The following PTPRD variants were observed in gnomAD, a reference collection of about 807,000 sequenced individuals.
PTPRD encodes receptor-type tyrosine-protein phosphatase delta.
Under a neutral mutation model 214.5 loss-of-function variants are expected in PTPRD, and 34 were observed. The ratio of observed to expected loss-of-function variants is 0.16; its 90% CI spans 0.12 to 0.21. The LOEUF is 0.21. Among genes scored for constraint, PTPRD ranks in the 10% least tolerant of loss-of-function variants. The probability of loss-of-function intolerance (pLI) is 1.00; values close to 1 mark genes in which losing one functional copy is unlikely to be tolerated. For missense variants in PTPRD, 2,545 were observed against 2,398.7 expected (o/e 1.06, Z -1.27); for synonymous variants, 1,128 against 845.7 (o/e 1.33, Z -5.79).
chr9:8,873,706 G>C (rs927893958), intron 11 of PTPRD, among the ~76,000 whole-genome samples: 1 of 152,074 alleles, frequency 6.6e-6, no homozygotes, highest in African/African-American at 2.4e-5. Context: ...TATTATGTAA[G>C]TGGTTGATTT....
chr9:10,288,614 G>C (rs534920915), intron 3 of PTPRD, among the ~76,000 whole-genome samples: 1 of 152,280 alleles, frequency 6.6e-6, no homozygotes, highest in African/African-American at 2.4e-5. Context: ...AACAGCAGGA[G>C]AATTTGCTTA....
intron 11 of PTPRD, among the ~76,000 whole-genome samples, chr9:8,965,955 T>C (rs919233266): frequency 6.6e-6 from 1 of 151,958 alleles, no homozygotes; most frequent in African/African-American, 2.4e-5. Context: ...GAATACAAAA[T>C]CAATGTACAA....
At chr9:9,782,715 T>C (rs924327254) in intron 5 of PTPRD, among the ~76,000 whole-genome samples, 3 of 152,200 alleles carry the variant, frequency 2.0e-5, no homozygotes, top group Admixed American at 1.3e-4. Context: ...GGGACCTTCT[T>C]AATTATAACA....
chr9:8,535,370 T>A (rs974068057), intron 14 of PTPRD, among the ~76,000 whole-genome samples: 1 of 151,980 alleles, frequency 6.6e-6, no homozygotes, highest in Admixed American at 6.6e-5. Context: ...TTGTGCCAAG[T>A]AACCTCTGCA....
At chr9:8,824,143 G>C (rs989945104) in intron 11 of PTPRD, among the ~76,000 whole-genome samples, 1 of 152,154 alleles carries the variant, frequency 6.6e-6, no homozygotes, top group Non-Finnish European at 1.5e-5. Flanking sequence ...TTCATGGCCT[G>C]TATTTTGTGC....
At chr9:9,379,382 T>C (rs1428403806) in intron 9 of PTPRD, among the ~76,000 whole-genome samples, 2 of 151,772 alleles carry the variant, frequency 1.3e-5, no homozygotes, top group African/African-American at 2.4e-5. Context: ...CTCTATTCCA[T>C]AAAATTGATC....
At chr9:8,450,182 C>T (rs1201999298) in intron 33 of PTPRD, among the ~76,000 whole-genome samples, 3 of 152,090 alleles carry the variant, frequency 2.0e-5, no homozygotes, top group Non-Finnish European at 4.4e-5. Context: ...TTGTGAGGAA[C>T]AGGATAGGAT....
intron 9 of PTPRD, among the ~76,000 whole-genome samples, chr9:9,208,278 T>G (rs1384403864): frequency 2.0e-5 from 3 of 151,808 alleles, no homozygotes. Flanking sequence ...CCTCCCAAAG[T>G]GCTGGGATTA....
intron 2 of PTPRD, among the ~76,000 whole-genome samples, chr9:10,450,281 T>C (rs55917635): frequency 0.011 from 1,618 of 150,852 alleles, 57 homozygotes; most frequent in African/African-American, 0.038. Context: ...TAAATAAAAA[T>C]AAAAAACAAA....
intron 9 of PTPRD, among the ~76,000 whole-genome samples, chr9:9,365,798 C>CT (rs1289054131): frequency 6.6e-6 from 1 of 151,390 alleles, no homozygotes; most frequent in African/African-American, 2.4e-5. Flanking sequence ...TTTTTCACAA[C>CT]TAAAGGCCTC....
intron 12 of PTPRD, among the ~76,000 whole-genome samples, chr9:8,675,837 G>A (rs1470314974): frequency 6.6e-6 from 1 of 152,078 alleles, no homozygotes; most frequent in East Asian, 1.9e-4. Context: ...ATTTACAGTA[G>A]CATCCCTACT....
intron 3 of PTPRD, among the ~76,000 whole-genome samples, chr9:10,128,694 T>C (rs2098837512): frequency 6.6e-6 from 1 of 152,148 alleles, no homozygotes; most frequent in Non-Finnish European, 1.5e-5. Flanking sequence ...GCCTGTTTTC[T>C]CTCTGCGATA....
chr9:9,825,751 ACT>A (rs1345982953), intron 5 of PTPRD, among the ~76,000 whole-genome samples: 1 of 150,558 alleles, frequency 6.6e-6, no homozygotes, highest in South Asian at 2.1e-4. Context: ...GGTTCACGTA[ACT>A]CTCATTTTCT....
chr9:9,149,855 T>C (rs1204597520), intron 10 of PTPRD, among the ~76,000 whole-genome samples: 2 of 152,208 alleles, frequency 1.3e-5, no homozygotes, highest in Non-Finnish European at 2.9e-5. Context: ...CTGAGGCAAC[T>C]CCAATGCCTG....
At chr9:10,560,155 A>T (rs1164513568) in intron 2 of PTPRD, among the ~76,000 whole-genome samples, 2 of 152,144 alleles carry the variant, frequency 1.3e-5, no homozygotes, top group African/African-American at 4.8e-5. Flanking sequence ...CATGGAACCA[A>T]CCCAAATGTC....
At chr9:10,590,404 C>T (rs2075127157) in intron 2 of PTPRD, among the ~76,000 whole-genome samples, 1 of 152,078 alleles carries the variant, frequency 6.6e-6, no homozygotes, top group Non-Finnish European at 1.5e-5. Context: ...CAGGTAATTA[C>T]TACGCCAAGA....
At chr9:8,567,819 C>A (rs2154220549) in intron 14 of PTPRD, among the ~76,000 whole-genome samples, 1 of 152,202 alleles carries the variant, frequency 6.6e-6, no homozygotes, top group Non-Finnish European at 1.5e-5. Context: ...AAGCTAGGTT[C>A]TATACATTTA....
chr9:8,839,256 A>G (rs1004769556), intron 11 of PTPRD, among the ~76,000 whole-genome samples: 1 of 152,168 alleles, frequency 6.6e-6, no homozygotes, highest in Admixed American at 6.5e-5. Flanking sequence ...TTGCCTATTA[A>G]ATGAACAAAA....
intron 9 of PTPRD, among the ~76,000 whole-genome samples, chr9:9,387,307 A>G (rs2064190291): frequency 6.6e-6 from 1 of 152,212 alleles, no homozygotes; most frequent in Non-Finnish European, 1.5e-5. Context: ...ATTTCTATTA[A>G]GCAAGTGGAA....
Sources: allele counts gnomAD v4.1 joint callset (sites outside exome capture counted in the v4.1 genomes callset), GRCh38; gene constraint gnomAD v4.1.1; transcripts MANE v1.5; gene names NCBI Gene and HGNC (gene_info 2026-07-23, HGNC 2026-07-21).